RSBN1L: variants seen among roughly 807,000 people sequenced by gnomAD.
RSBN1L encodes round spermatid basic protein 1 like, also known as lysine-specific demethylase RSBN1L.
RSBN1L carries 30 observed loss-of-function variants against 67.7 expected under a neutral mutation model. The observed-to-expected ratio is 0.44, with a 90% confidence interval of 0.33 to 0.60. RSBN1L has a LOEUF of 0.60. Among genes scored for constraint, RSBN1L ranks in the 20% least tolerant of loss-of-function variants. The pLI, the probability that RSBN1L is intolerant of heterozygous loss-of-function variation, is 0.02. For missense variants in RSBN1L, 992 were observed against 1,031.7 expected, an observed-to-expected ratio of 0.96 and a Z score of 0.53; for synonymous variants, 433 against 387.0, an observed-to-expected ratio of 1.12 and a Z score of -1.39.
rs1393373098 is a variant in RSBN1L at position 77,782,949 on chromosome 7, C to G, written c.*3781C>G. ...CATTTTACATTTAGCAAAGGTGCAA[C>G]ATTTGTTTTTGGAGTTTGAGAGATA... On this transcript the variant is annotated 3_prime_UTR_variant, in exon 8 of 8. Coordinates refer to ENST00000334955, the MANE Select transcript of RSBN1L (RefSeq NM_198467.3). 1 of 152,086 alleles carries G rather than the reference C, an allele frequency of 6.6e-6. No homozygotes were observed. Among genetic ancestry groups the G allele is most frequent in the Non-Finnish European group, 1.5e-5 (1 of 68,014 alleles). 9.4% of individuals were successfully genotyped at this position (152,086 alleles called of 1,614,324 possible). A position where few individuals can be genotyped will look rare whatever the true frequency, so the allele number is the denominator to read the frequency against.
intron 1 of RSBN1L, among the ~76,000 whole-genome samples, chr7:77,712,912 T>G (rs1249593008): frequency 6.6e-6 from 1 of 152,194 alleles, no homozygotes; most frequent in African/African-American, 2.4e-5. Flanking sequence ...ACATACACTT[T>G]AAATTTTGAT....
rs372322526 is a variant in RSBN1L, at chr7:77,778,737, G to C, written c.2110G>C (p.Ala704Pro). 41 of 1,613,980 alleles carry C rather than the reference G, an allele frequency of 2.5e-5. No individual in the cohort carries two copies. The highest frequency in any genetic ancestry group is 3.3e-4 in the Middle Eastern group (2 of 6,084). The part of the protein sequence containing the change: ...HSEEDTSQNT[A>P]THETGTSSDS... ...AGAGGAGGACACTTCTCAGAATACA[G>C]CTACTCATGAAACAGGCACATCATC... The change falls in exon 8 of 8, where the codon GCT (alanine) becomes CCT (proline). Residue 704 changes from alanine (A) to proline (P), a missense_variant. By Grantham distance (27) the Ala-to-Pro change is conservative (BLOSUM62 -1). Transcript: ENST00000334955.
chr7:77,760,993 AC>A (rs1449349562), intron 3 of RSBN1L, among the ~76,000 whole-genome samples: 1 of 152,188 alleles, frequency 6.6e-6, no homozygotes. Context: ...ACACCAGAAA[AC>A]TGGTTTGATT....
intron 6 of RSBN1L, among the ~76,000 whole-genome samples, chr7:77,775,949 G>T (rs111835125): frequency 6.6e-6 from 1 of 152,042 alleles, no homozygotes; most frequent in South Asian, 2.1e-4. Context: ...CCAGCTCCTC[G>T]CTAGGCTGAG....
intron 2 of RSBN1L, among the ~76,000 whole-genome samples, chr7:77,746,482 G>T (rs1309104348): frequency 2.6e-5 from 4 of 152,074 alleles, no homozygotes; most frequent in African/African-American, 9.7e-5. Context: ...TTGTAATTGG[G>T]GATTACAGTT....
At chr7:77,776,519 A>C (rs1413096309) in intron 6 of RSBN1L, among the ~76,000 whole-genome samples, 1 of 152,240 alleles carries the variant, frequency 6.6e-6, no homozygotes, top group Non-Finnish European at 1.5e-5. Flanking sequence ...AAATGGAATC[A>C]AATAACGTGG....
chr7:77,702,725 T>C (rs1790835017), intron 1 of RSBN1L, among the ~76,000 whole-genome samples: 1 of 152,194 alleles, frequency 6.6e-6, no homozygotes, highest in Admixed American at 6.5e-5. Flanking sequence ...TTTTTATAAT[T>C]CTGGTGGCTG....
intron 1 of RSBN1L, among the ~76,000 whole-genome samples, chr7:77,731,119 A>G (rs959280646): frequency 6.6e-6 from 1 of 152,114 alleles, no homozygotes; most frequent in African/African-American, 2.4e-5. Flanking sequence ...TGTTTCCTTG[A>G]TGACATCAGG....
chr7:77,762,790 T>G (rs1791712218), intron 3 of RSBN1L, among the ~76,000 whole-genome samples: 1 of 152,202 alleles, frequency 6.6e-6, no homozygotes, highest in African/African-American at 2.4e-5. Context: ...TATTATATTA[T>G]CTCCTACTCT....
At chr7:77,740,911 G>A (rs1791400125) in intron 2 of RSBN1L, among the ~76,000 whole-genome samples, 1 of 151,112 alleles carries the variant, frequency 6.6e-6, no homozygotes, top group Non-Finnish European at 1.5e-5. Context: ...GTGGTACTTT[G>A]TGTGTGTGGT....
intron 2 of RSBN1L, among the ~76,000 whole-genome samples, chr7:77,744,943 A>C (rs780405329): frequency 1.3e-5 from 2 of 152,120 alleles, no homozygotes; most frequent in Non-Finnish European, 2.9e-5. Flanking sequence ...TCAGGGCTAG[A>C]ATTTAGTGGT....
intron 1 of RSBN1L, among the ~76,000 whole-genome samples, chr7:77,733,111 T>C (rs1380068324): frequency 6.6e-6 from 1 of 151,962 alleles, no homozygotes; most frequent in Non-Finnish European, 1.5e-5. Context: ...CTCAGCAACA[T>C]AGCGAGACCC....
At chr7:77,767,276 G>A (rs1791780947) in intron 4 of RSBN1L, among the ~76,000 whole-genome samples, 2 of 113,498 alleles carry the variant, frequency 1.8e-5, no homozygotes, top group African/African-American at 7.1e-5. Flanking sequence ...TTTGAAAAGG[G>A]GGTGTGTGGT....
intron 1 of RSBN1L, among the ~76,000 whole-genome samples, chr7:77,704,120 G>A (rs1790857746): frequency 6.6e-6 from 1 of 152,202 alleles, no homozygotes; most frequent in African/African-American, 2.4e-5. Context: ...ACGCATTGGA[G>A]ACATGTAGTT....
At chr7:77,722,825 T>A (rs1791137435) in intron 1 of RSBN1L, among the ~76,000 whole-genome samples, 1 of 151,950 alleles carries the variant, frequency 6.6e-6, no homozygotes, top group South Asian at 2.1e-4. Context: ...TGGACTGCGT[T>A]ATTATGGTGT....
intron 1 of RSBN1L, among the ~76,000 whole-genome samples, chr7:77,731,740 A>G (rs916986990): frequency 4.6e-5 from 7 of 151,260 alleles, no homozygotes; most frequent in African/African-American, 7.3e-5. Flanking sequence ...TTTTTAATCT[A>G]TTGTGCCTTT....
rs886589188 is a variant in RSBN1L, at chr7:77,781,994, C to T, written c.*2826C>T. On this transcript the variant is annotated 3_prime_UTR_variant, in exon 8 of 8. Transcript: ENST00000334955. The stretch of plus-strand genomic sequence containing the variant: ...TCTCAAAAAAAAAAAAAAAAAAAAG[C>T]ATACATCTCTGAAGGTAAAGTATAA... 3.7e-5 allele frequency: 4 copies of T among 106,846 alleles called. No homozygotes were observed. The highest frequency in any genetic ancestry group is 1.4e-4 in the African/African-American group (4 of 27,914). 6.6% of individuals were successfully genotyped at this position (106,846 alleles called of 1,614,324 possible). A position where few individuals can be genotyped will look rare whatever the true frequency, so the allele number is the denominator to read the frequency against.
intron 1 of RSBN1L, among the ~76,000 whole-genome samples, chr7:77,706,463 G>C (rs555915426): frequency 1.3e-5 from 2 of 152,146 alleles, no homozygotes; most frequent in South Asian, 2.1e-4. Context: ...TGCCTGCCTC[G>C]ACCTCCCAAA....
At chr7:77,726,844 G>T (rs1188979332) in intron 1 of RSBN1L, among the ~76,000 whole-genome samples, 2 of 141,242 alleles carry the variant, frequency 1.4e-5, no homozygotes, top group African/African-American at 2.7e-5. Context: ...GCAGTGGTGC[G>T]ATCTCGGCTC....
Sources: gnomAD v4.1 joint callset for allele counts (sites outside exome capture counted in the v4.1 genomes callset) on GRCh38, gnomAD v4.1.1 for gene constraint, MANE v1.5 for transcripts, NCBI Gene and HGNC (gene_info 2026-07-23, HGNC 2026-07-21) for gene names.